C5orf34: variants seen among roughly 807,000 people sequenced by gnomAD.
C5orf34 encodes uncharacterized protein C5orf34.
In C5orf34, 73 loss-of-function variants were observed where a neutral mutation model predicts 78.4. The ratio of observed to expected loss-of-function variants is 0.93; its 90% CI spans 0.77 to 1.13. The LOEUF is 1.13. Among genes scored for constraint, C5orf34 ranks in the 50% most tolerant of loss-of-function variants. The pLI is 0.00. For synonymous variants in C5orf34, 251 were observed against 246.6 expected (o/e 1.02, Z -0.17); for missense variants, 730 against 732.7 (o/e 1.00, Z 0.04).
Position 43,492,862 on chromosome 5 carries a change from A to G in C5orf34, c.1343T>C (p.Leu448Pro). The G allele has an allele frequency of 1.9e-6, 3 of 1,607,410 alleles. No homozygotes were observed. The highest frequency in any genetic ancestry group is 1.3e-5 in the African/African-American group (1 of 74,846). ...MVPGINDSNI[L>P]PLVLKESLIP... Reference sequence around the variant, plus strand: ...GAGTGACTCTTTCAAAACCAAAGGCAGTATATTGCTATCATTTATCCCAGG... The same window carrying G: ...GAGTGACTCTTTCAAAACCAAAGGCGGTATATTGCTATCATTTATCCCAGG... Residue 448 changes from leucine to proline, a missense_variant, in exon 9 of 13, where the codon CTG becomes CCG. By Grantham distance (98) the Leu-to-Pro change is moderately conservative. Coordinates refer to ENST00000306862, the MANE Select transcript of C5orf34 (RefSeq NM_198566.4).
Position 43,508,667 on chromosome 5 carries a change from C to T in C5orf34, c.196-1G>A, listed in dbSNP as rs1746094612. On this transcript the variant is annotated splice_acceptor_variant, in intron 2 of 12. Transcript: ENST00000306862. LOFTEE classifies it high-confidence loss of function. The stretch of plus-strand genomic sequence containing the variant: ...AATCTAGGGCTCGCTGTAGTTGCTC[C>T]TATGAAAAGAAATATAAAATGTAAC... 1.3e-6 allele frequency: 2 copies of T among 1,568,096 alleles called. No homozygotes were observed. The highest frequency in any genetic ancestry group is 1.8e-6 in the Non-Finnish European group (2 of 1,140,958).
At position 43,503,692 on chromosome 5, in the gene C5orf34, A is replaced by G. The variant is rs1393035001; in HGVS notation, c.1001T>C (p.Met334Thr). 1 of 1,613,402 alleles carries G rather than the reference A, an allele frequency of 6.2e-7. No individual in the cohort carries two copies. The highest frequency in any genetic ancestry group is 1.1e-5 in the South Asian group (1 of 91,070). Residue 334 changes from methionine to threonine, a missense_variant, in exon 5 of 13, where the codon ATG (methionine) becomes ACG (threonine). Met to Thr is a moderately conservative substitution (Grantham distance 81). Coordinates refer to ENST00000306862, the MANE Select transcript of C5orf34 (RefSeq NM_198566.4). ...DEYSYPELVK[M>T]VWYKGVTYRL... ...ATATGTAACACCTTTGTACCAAACC[A>G]TTTTCACTAGTTCAGGATAGGAATA...
chr5:43,487,198 A>G, intron 12 of C5orf34, 87 bp from the exon 13 acceptor site: 2 of 626,328 alleles, frequency 3.2e-6, no homozygotes, highest in Admixed American at 3.9e-5. Flanking sequence ...TCATATTAAA[A>G]TATTTCTCAG....
At chr5:43,494,251 A>G (rs1323843779) in intron 7 of C5orf34, among the ~76,000 whole-genome samples, 1 of 148,464 alleles carries the variant, frequency 6.7e-6, no homozygotes, top group African/African-American at 2.6e-5. Flanking sequence ...AAGAAAGGGC[A>G]CTTACTTCCT....
At chr5:43,490,443 G>C (rs1489264367) in intron 11 of C5orf34, 188 bp downstream of exon 11, 1 of 433,210 alleles carries the variant, frequency 2.3e-6, no homozygotes, top group Non-Finnish European at 4.2e-6. Context: ...ATGATGAAAT[G>C]TAATAAATTA....
In C5orf34 at chr5:43,493,558, T is replaced by C. The variant is rs779380371; in HGVS notation, c.1299A>G (p.Ile433Met). 4 of 1,566,660 alleles carry C rather than the reference T, an allele frequency of 2.6e-6. No individual in the cohort carries two copies. Among genetic ancestry groups the C allele is most frequent in the East Asian group, 4.6e-5 (2 of 43,828 alleles). Residue 433 changes from isoleucine (I) to methionine (M), a missense_variant, in exon 8 of 13, where the codon ATA becomes ATG. By Grantham distance (10) the Ile-to-Met change is conservative. Coordinates refer to ENST00000306862, the MANE Select transcript of C5orf34 (RefSeq NM_198566.4). ...MRLSLSHNYR[I>M]CCWKMVPGIN... ...TTTAACATACCATTTTCCAGCAGCATATACGATAGTTATGGCTTAAAGAAA... is the reference window on the plus strand; with the variant it reads ...TTTAACATACCATTTTCCAGCAGCACATACGATAGTTATGGCTTAAAGAAA...
intron 6 of C5orf34, among the ~76,000 whole-genome samples, chr5:43,499,303 A>T (rs993718879): frequency 2.0e-5 from 3 of 152,172 alleles, no homozygotes; most frequent in African/African-American, 7.2e-5. Context: ...TCTTTTGTAC[A>T]ACTCCTCCTT....
At chr5:43,493,302 A>G (rs1038993248) in intron 8 of C5orf34, among the ~76,000 whole-genome samples, 11 of 152,112 alleles carry the variant, frequency 7.2e-5, no homozygotes, top group South Asian at 2.1e-4. Flanking sequence ...CTTCAAATCC[A>G]ATCAGTTCCC....
chr5:43,504,756 A>G (rs1162954094), intron 4 of C5orf34, among the ~76,000 whole-genome samples: 1 of 152,226 alleles, frequency 6.6e-6, no homozygotes, highest in Admixed American at 6.5e-5. Flanking sequence ...AGCTATGTGA[A>G]GGATCATGGA....
At chr5:43,488,019 C>G in intron 11 of C5orf34, 70 bp from the exon 12 acceptor site, 3 of 1,204,976 alleles carry the variant, frequency 2.5e-6, no homozygotes, top group Admixed American at 4.4e-5. Flanking sequence ...TTCAAATAAG[C>G]ATACCTGACT....
chr5:43,515,128 G>A lies in C5orf34; in HGVS notation c.-359C>T, dbSNP rs1011944187. On this transcript the variant is annotated 5_prime_UTR_variant, in exon 1 of 13. Coordinates refer to ENST00000306862, the MANE Select transcript of C5orf34 (RefSeq NM_198566.4). ...AGTTCAAAACCAGCGCCCTCAGGGA[G>A]CCGCTTCAGAGCTCCGCAACAGGGA... 1 of 152,254 alleles carries A rather than the reference G, an allele frequency of 6.6e-6. No individual in the cohort carries two copies. Among genetic ancestry groups the A allele is most frequent in the Non-Finnish European group, 1.5e-5 (1 of 68,078 alleles). The allele number at this position is 152,254 out of a possible 1,614,324, so 9.4% of individuals were successfully genotyped here.
At chr5:43,512,232 T>C (rs1247414767) in intron 1 of C5orf34, among the ~76,000 whole-genome samples, 1 of 152,226 alleles carries the variant, frequency 6.6e-6, no homozygotes, top group Non-Finnish European at 1.5e-5. Flanking sequence ...AATGTTTTTA[T>C]TCCTTTCCAA....
intron 6 of C5orf34, 66 bp downstream of exon 6, chr5:43,502,306 T>A (rs1745790069): frequency 1.3e-6 from 2 of 1,537,522 alleles, no homozygotes; most frequent in Admixed American, 1.8e-5. Context: ...CCCATATATA[T>A]TTGGAATTAT....
intron 6 of C5orf34, chr5:43,496,280 C>A (rs1190858410): frequency 3.4e-5 from 54 of 1,585,734 alleles, no homozygotes; most frequent in Non-Finnish European, 4.5e-5. Context: ...TTATGCAAGA[C>A]CCAGGCATAC....
chr5:43,490,849 G>A (rs1265630413), intron 10 of C5orf34, 120 bp from the exon 11 acceptor site: 1 of 563,588 alleles, frequency 1.8e-6, no homozygotes, highest in African/African-American at 1.9e-5. Context: ...ATGTTAAAGT[G>A]AAGCATTTAC....
intron 1 of C5orf34, 45 bp downstream of exon 1, chr5:43,514,761 C>A (rs1016401660): frequency 1.3e-5 from 2 of 152,156 alleles, no homozygotes; most frequent in Admixed American, 1.3e-4. Context: ...TCTCTAGTTA[C>A]AGAAGGAGCC....
At chr5:43,503,828 A>C in intron 4 of C5orf34, 68 bp from the exon 5 acceptor site, 1 of 988,944 alleles carries the variant, frequency 1.0e-6, no homozygotes, top group Non-Finnish European at 1.6e-6. Context: ...AAGTCAACAA[A>C]ATGTTGCTAC....
chr5:43,509,353 T>C lies in C5orf34; in HGVS notation c.-14A>G, dbSNP rs898885315. ...TTCAGCTGCCATTACAACGGCAGGA[T>C]AAGATATCTTCTAAGTCAAAGACTG... On this transcript the variant is annotated 5_prime_UTR_variant, in exon 2 of 13. Transcript: ENST00000306862. The C allele has an allele frequency of 6.9e-7, 1 of 1,445,636 alleles. No homozygotes were observed. Among genetic ancestry groups the C allele is most frequent in the Non-Finnish European group, 9.1e-7 (1 of 1,099,900 alleles). 89.6% of individuals were successfully genotyped at this position (1,445,636 alleles called of 1,614,324 possible).
intron 4 of C5orf34, among the ~76,000 whole-genome samples, chr5:43,505,220 C>A (rs527308146): frequency 6.6e-6 from 1 of 152,332 alleles, no homozygotes; most frequent in South Asian, 2.1e-4. Context: ...CTTACAGAAG[C>A]CACTCCGTGT....
Sources: gnomAD v4.1 joint callset for allele counts (sites outside exome capture counted in the v4.1 genomes callset) on GRCh38, gnomAD v4.1.1 for gene constraint, MANE v1.5 for transcripts, NCBI Gene and HGNC (gene_info 2026-07-23, HGNC 2026-07-21) for gene names.